The following SLC4A10 variants were observed in gnomAD, a reference collection of about 807,000 sequenced individuals.
SLC4A10 encodes the protein solute carrier family 4 member 10.
In SLC4A10, 42 loss-of-function variants were observed where a neutral mutation model predicts 137.7. That is an observed-to-expected ratio of 0.30 (90% CI 0.24 to 0.39). The LOEUF (loss-of-function observed/expected upper bound fraction) is 0.39, where lower values mean the gene tolerates loss of function less well. SLC4A10 is among the 10% of genes least tolerant of loss of function. The probability of loss-of-function intolerance (pLI) is 1.00; values close to 1 mark genes in which losing one functional copy is unlikely to be tolerated. For missense variants in SLC4A10, 925 were observed against 1,355.0 expected, an observed-to-expected ratio of 0.68 and a Z score of 4.98; for synonymous variants, 474 against 464.1, an observed-to-expected ratio of 1.02 and a Z score of -0.27.
intron 1 of SLC4A10, among the ~76,000 whole-genome samples, chr2:161,768,178 T>C (rs1222270148): frequency 6.6e-6 from 1 of 151,996 alleles, no homozygotes; most frequent in African/African-American, 2.4e-5. Context: ...TTTCAATTAT[T>C]CATTCTTGAA....
Position 161,949,225 on chromosome 2 carries a change from C to T in SLC4A10, c.2343C>T (p.Ile781=), listed in dbSNP as rs1694364632. Residue 781 remains isoleucine, a synonymous_variant, in exon 18 of 27, where the codon ATC becomes ATT. Transcript: ENST00000446997. ...CMVLIDYAIG[I]PSPKLQVPSV... ...TTTTAATTGACTATGCCATTGGGAT[C>T]CCATCTCCAAAACTACAAGTACCAA... 1.2e-6 allele frequency: 2 copies of T among 1,611,134 alleles called. No homozygotes were observed.
At position 161,786,838 on chromosome 2, in the gene SLC4A10, G is replaced by A. The variant is rs181310670; in HGVS notation, c.130+15784G>A. ...TTTCTGTTCAAAGTTTATGCTTTAT[G>A]ACATAAAAGAGTATACTCATTTCTG... On this transcript the variant is annotated intron_variant, in intron 2 of 26. Transcript: ENST00000446997. 3.8e-4 allele frequency among the ~76,000 whole-genome samples: 55 copies of A among 143,968 alleles called. 2 individuals carry two copies. The highest frequency in any genetic ancestry group is 2.3e-3 in the Admixed American group (32 of 14,188). 94.4% of individuals were successfully genotyped at this position (143,968 alleles called of 152,430 possible). A position where few individuals can be genotyped will look rare whatever the true frequency, so the allele number is the denominator to read the frequency against.
chr2:161,880,247 A>G (rs760322665), intron 9 of SLC4A10, among the ~76,000 whole-genome samples: 3 of 152,154 alleles, frequency 2.0e-5, no homozygotes, highest in Admixed American at 6.6e-5. Context: ...CTCCTCTTCC[A>G]AACATTGAAT....
intron 4 of SLC4A10, among the ~76,000 whole-genome samples, chr2:161,841,259 G>A (rs1209756079): frequency 6.6e-6 from 1 of 151,980 alleles, no homozygotes; most frequent in African/African-American, 2.4e-5. Context: ...TGTATTTTTA[G>A]TAGAGACAGG....
At chr2:161,728,614 A>T (rs964679858) in intron 1 of SLC4A10, among the ~76,000 whole-genome samples, 4 of 152,134 alleles carry the variant, frequency 2.6e-5, no homozygotes, top group African/African-American at 9.7e-5. Flanking sequence ...TTCACTGGAG[A>T]ATTCTCTTAA....
chr2:161,882,325 C>T (rs1179809474), intron 9 of SLC4A10, 32 bp from the exon 10 acceptor site: 4 of 1,342,922 alleles, frequency 3.0e-6, no homozygotes, highest in Non-Finnish European at 4.1e-6. Flanking sequence ...TATATTTCTA[C>T]CTTAAAACAT....
intron 10 of SLC4A10, among the ~76,000 whole-genome samples, chr2:161,882,750 C>T (rs1211981410): frequency 6.6e-6 from 1 of 151,964 alleles, no homozygotes; most frequent in Non-Finnish European, 1.5e-5. Flanking sequence ...TTGTTAATAT[C>T]AATGGAAATC....
chr2:161,805,896 T>C (rs1466509407), intron 3 of SLC4A10, among the ~76,000 whole-genome samples: 2 of 152,206 alleles, frequency 1.3e-5, no homozygotes, highest in Admixed American at 6.5e-5. Context: ...CAGTAGGGAC[T>C]CTGTGGGGGC....
chr2:161,800,303 G>A (rs1448100421), intron 2 of SLC4A10, among the ~76,000 whole-genome samples: 2 of 151,964 alleles, frequency 1.3e-5, no homozygotes, highest in African/African-American at 2.4e-5. Flanking sequence ...TTCATAAAGT[G>A]TTTAGTAGCA....
Position 161,905,841 on chromosome 2 carries a change from T to C in SLC4A10, c.1951T>C (p.Tyr651His). The change falls in exon 15 of 27, where the codon TAT (tyrosine) becomes CAT (histidine). Residue 651 changes from tyrosine (Y) to histidine (H), a missense_variant. Physicochemically the swap from Tyr to His is moderately conservative, Grantham distance 83. Around this residue, in one of 11 missense-constraint regions of SLC4A10, gnomAD observed 91 missense variants for 95.6 expected, o/e 0.95. Transcript: ENST00000446997. ...GAAGTTGTTTGAACTCAGTGAAGCA[T>C]ATCCAATCAACATGCATAATGATCT... ...LEKLFELSEA[Y>H]PINMHNDLEL... is the part of the protein sequence containing the mutation. 1.9e-6 allele frequency: 3 copies of C among 1,613,902 alleles called. No homozygotes were observed. The highest frequency in any genetic ancestry group is 2.2e-5 in the East Asian group (1 of 44,872).
intron 1 of SLC4A10, among the ~76,000 whole-genome samples, chr2:161,767,799 T>C (rs1181930976): frequency 6.6e-6 from 1 of 152,036 alleles, no homozygotes; most frequent in Non-Finnish European, 1.5e-5. Flanking sequence ...TCTGTTACCA[T>C]TGGAAGATGA....
intron 3 of SLC4A10, among the ~76,000 whole-genome samples, chr2:161,808,299 T>C (rs530343093): frequency 6.6e-6 from 1 of 152,294 alleles, no homozygotes; most frequent in South Asian, 2.1e-4. Flanking sequence ...TTTTTCATCA[T>C]TTTCTCCTTG....
At chr2:161,651,128 C>G (rs868625583) in intron 1 of SLC4A10, 1 of 152,724 alleles carries the variant, frequency 6.5e-6, no homozygotes. Flanking sequence ...CCGGACTCAG[C>G]CAGACTCATA....
At chr2:161,770,131 C>T (rs2051398445) in intron 1 of SLC4A10, among the ~76,000 whole-genome samples, 1 of 151,764 alleles carries the variant, frequency 6.6e-6, no homozygotes, top group Admixed American at 6.6e-5. Flanking sequence ...ACCTTTTGTG[C>T]TCAGTGTTCA....
chr2:161,664,499 G>C (rs1479772685), intron 1 of SLC4A10, among the ~76,000 whole-genome samples: 1 of 151,854 alleles, frequency 6.6e-6, no homozygotes, highest in Non-Finnish European at 1.5e-5. Context: ...GTGGCTTCTT[G>C]TAAATAAAGT....
At chr2:161,825,598 C>A (rs187266393) in intron 3 of SLC4A10, among the ~76,000 whole-genome samples, 7 of 152,264 alleles carry the variant, frequency 4.6e-5, no homozygotes, top group Admixed American at 3.9e-4. Flanking sequence ...CTCTTCTCCC[C>A]GCTCCCCTCT....
intron 1 of SLC4A10, among the ~76,000 whole-genome samples, chr2:161,764,609 C>A (rs746892304): frequency 2.3e-4 from 35 of 152,108 alleles, no homozygotes; most frequent in South Asian, 1.7e-3. Context: ...AGACCATGGG[C>A]AAGAGTTACA....
intron 6 of SLC4A10, among the ~76,000 whole-genome samples, chr2:161,866,968 T>C (rs1030035845): frequency 2.6e-5 from 4 of 151,984 alleles, no homozygotes; most frequent in African/African-American, 9.7e-5. Flanking sequence ...TTCGTTTTCC[T>C]TCACATATCT....
In SLC4A10 at chr2:161,767,202, G is replaced by A. The variant is rs866990330; in HGVS notation, c.49-3771G>A. On this transcript the variant is annotated intron_variant, in intron 1 of 26. Coordinates refer to ENST00000446997, the MANE Select transcript of SLC4A10 (RefSeq NM_001178015.2). Reference sequence around the variant, plus strand: ...TATGTGTGTGTGTGTGTGTGTGTGTGTATATATATATACACATATATATAT... The same window carrying A: ...TATGTGTGTGTGTGTGTGTGTGTGTATATATATATATACACATATATATAT... 4.3e-3 allele frequency among the ~76,000 whole-genome samples: 290 copies of A among 67,492 alleles called. 1 individual carries two copies. The highest frequency in any genetic ancestry group is 9.9e-3 in the East Asian group (21 of 2,112). 44.3% of individuals were successfully genotyped at this position (67,492 alleles called of 152,430 possible). A position where few individuals can be genotyped will look rare whatever the true frequency, so the allele number is the denominator to read the frequency against.
Sources: allele counts gnomAD v4.1 joint callset (sites outside exome capture counted in the v4.1 genomes callset), GRCh38; gene constraint gnomAD v4.1.1; regional missense constraint gnomAD v4.1.1; transcripts MANE v1.5; gene names NCBI Gene and HGNC (gene_info 2026-07-23, HGNC 2026-07-21).